Variants in HIP1 observed in about 807,000 individuals in gnomAD.
The protein encoded by HIP1 is huntingtin-interacting protein 1.
Under a neutral mutation model 147.6 loss-of-function variants are expected in HIP1, and 65 were observed. The observed-to-expected ratio is 0.44, with a 90% CI of 0.36 to 0.54. The LOEUF (loss-of-function observed/expected upper bound fraction) is 0.54. Among genes scored for constraint, HIP1 ranks in the 20% least tolerant of loss-of-function variants. HIP1 has a pLI of 0.00. For synonymous variants in HIP1, 479 were observed against 504.0 expected, an observed-to-expected ratio of 0.95 and a Z score of 0.67; for missense variants, 1,061 against 1,299.6, an observed-to-expected ratio of 0.82 and a Z score of 2.82.
chr7:75,651,388 G>GGTGGA (rs1281577858), intron 1 of HIP1, among the ~76,000 whole-genome samples: 1 of 148,752 alleles, frequency 6.7e-6, no homozygotes, highest in African/African-American at 2.5e-5. Context: ...GAACCCGGGA[G>GGTGGA]GTGGAGGTTG....
Position 75,544,743 on chromosome 7 carries a change from A to C in HIP1, c.2718T>G (p.Cys906Trp), listed in dbSNP as rs781801602. The C allele has an allele frequency of 3.7e-6, 6 of 1,614,000 alleles. No homozygotes were observed. Among genetic ancestry groups the C allele is most frequent in the Non-Finnish European group, 5.1e-6 (6 of 1,179,806 alleles). The change falls in exon 27 of 31, where the codon TGT (cysteine) becomes TGG (tryptophan). Residue 906 changes from cysteine to tryptophan, a missense_variant. Transcript: ENST00000336926. Reference protein sequence around the residue: ...GRGKFEELMVCSHEIAASTAQ... With the variant: ...GRGKFEELMVWSHEIAASTAQ... ...CTGTGCTAGCAGCAATTTCATGAGA[A>C]CACACCATTAGCTCCTCAAATTTCC...
At chr7:75,570,528 T>C (rs1323637083) in intron 8 of HIP1, among the ~76,000 whole-genome samples, 1 of 151,022 alleles carries the variant, frequency 6.6e-6, no homozygotes, top group Non-Finnish European at 1.5e-5. Context: ...CCTGACCTCA[T>C]GATCCGCCCA....
chr7:75,632,666 G>A lies in HIP1; in HGVS notation c.121-33419C>T, dbSNP rs587726544. Among the ~76,000 whole-genome samples the A allele has an allele frequency of 2.0e-5, 3 of 151,286 alleles. No homozygotes were observed. In the East Asian group the frequency reaches 5.8e-4, roughly 29 times the overall value. The stretch of plus-strand genomic sequence containing the variant: ...TCCTGCCTCAACCTCCCAAAGTGCT[G>A]GGATTACAGGTGTGAGCCACTGTGC... On this transcript the variant is annotated intron_variant, in intron 1 of 30. Transcript: ENST00000336926.
rs182695089 is a variant in HIP1, at chr7:75,660,454, G to A, written c.121-61207C>T. On this transcript the variant is annotated intron_variant, in intron 1 of 30. Transcript: ENST00000336926. ...AGGCAGGAGAATTGCTTGAACCCAC[G>A]AGGCAGAGGTTGCAGTGAACCGAGA... Among the ~76,000 whole-genome samples, 13 of 152,164 alleles carry A rather than the reference G, an allele frequency of 8.5e-5. No individual in the cohort carries two copies. In the East Asian group the frequency reaches 2.1e-3, roughly 25 times the overall value.
chr7:75,539,666 T>C (rs1554489483), intron 29 of HIP1, among the ~76,000 whole-genome samples: 1 of 152,126 alleles, frequency 6.6e-6, no homozygotes, highest in Non-Finnish European at 1.5e-5. Flanking sequence ...CATTGTGAAT[T>C]CCTCTTCTTC....
chr7:75,562,394 TCCTCCTGTTTCAG>T (rs1795258275), intron 11 of HIP1, among the ~76,000 whole-genome samples: 1 of 152,222 alleles, frequency 6.6e-6, no homozygotes, highest in African/African-American at 2.4e-5. Flanking sequence ...GCTCAAGTGA[TCCTCCTGTTTCAG>T]CCTCCTGAGT....
chr7:75,684,888 G>A (rs1049459303), intron 1 of HIP1, among the ~76,000 whole-genome samples: 4 of 152,056 alleles, frequency 2.6e-5, no homozygotes, highest in African/African-American at 9.6e-5. Context: ...TCAGGAGATC[G>A]AGACCATCCT....
rs111362269 is a variant in HIP1, at chr7:75,728,539, G to T, written c.120+10262C>A. On this transcript the variant is annotated intron_variant, in intron 1 of 30. Coordinates refer to ENST00000336926, the MANE Select transcript of HIP1 (RefSeq NM_005338.7). The stretch of plus-strand genomic sequence containing the variant: ...GGTCTCCGCCACACCTCGCCTTGAG[G>T]CAGTGGAATAAGTGGGCCAATGAAT... Among the ~76,000 whole-genome samples the T allele has an allele frequency of 9.3e-3, 1,420 of 152,278 alleles. 15 individuals carry two copies. The highest frequency in any genetic ancestry group is 0.015 in the Non-Finnish European group (1,039 of 68,014).
At chr7:75,668,281 C>T (rs1483029859) in intron 1 of HIP1, among the ~76,000 whole-genome samples, 1 of 152,166 alleles carries the variant, frequency 6.6e-6, no homozygotes, top group Non-Finnish European at 1.5e-5. Flanking sequence ...TGAGAACAGC[C>T]TCTCTATAGG....
At chr7:75,577,332 C>CAAAAAAAAAAAAAAAA (rs61299057) in intron 7 of HIP1, among the ~76,000 whole-genome samples, 2 of 96,876 alleles carry the variant, frequency 2.1e-5, no homozygotes, top group African/African-American at 7.5e-5. Context: ...ATCCCATCTC[C>CAAAAAAAAAAAAAAAA]AAAAAAAAAA....
chr7:75,604,367 A>G (rs1198956460), intron 1 of HIP1, among the ~76,000 whole-genome samples: 1 of 152,160 alleles, frequency 6.6e-6, no homozygotes, highest in African/African-American at 2.4e-5. Context: ...GGACCACACC[A>G]GGTAGTTGGA....
At chr7:75,570,663 A>G (rs1315442015) in intron 8 of HIP1, among the ~76,000 whole-genome samples, 1 of 152,174 alleles carries the variant, frequency 6.6e-6, no homozygotes, top group Non-Finnish European at 1.5e-5. Context: ...AACTCTCGGT[A>G]CTATTTTTAT....
intron 1 of HIP1, among the ~76,000 whole-genome samples, chr7:75,662,895 G>T (rs1554513854): frequency 6.6e-6 from 1 of 152,144 alleles, no homozygotes; most frequent in Non-Finnish European, 1.5e-5. Flanking sequence ...GACAGAGCAA[G>T]TTCTCAGAGG....
intron 23 of HIP1, among the ~76,000 whole-genome samples, chr7:75,548,293 C>T (rs1554491403): frequency 6.6e-6 from 1 of 151,882 alleles, no homozygotes; most frequent in South Asian, 2.1e-4. Context: ...TCCCAAAGTG[C>T]TGGGAATACA....
intron 5 of HIP1, among the ~76,000 whole-genome samples, chr7:75,586,468 C>G (rs1213558588): frequency 2.0e-5 from 3 of 152,150 alleles, no homozygotes; most frequent in African/African-American, 7.2e-5. Context: ...TCCGAAAGAG[C>G]TAGGATTATA....
At chr7:75,593,629 CAAAAAAAAAAAA>C (rs34062007) in intron 2 of HIP1, among the ~76,000 whole-genome samples, 1 of 72,254 alleles carries the variant, frequency 1.4e-5, no homozygotes, top group Non-Finnish European at 2.6e-5. Flanking sequence ...GACTCCATCT[CAAAAAAAAAAAA>C]AAAAAAAAAG....
In HIP1 at chr7:75,558,111, C is replaced by T. The variant is rs1422416552; in HGVS notation, c.1464+56G>A. ...CCGGGGAAGCCACAGGCCTGAGCCGCTCTCTCCCTAGAGGTGCAGGGCCTG... is the reference window on the plus strand; with the variant it reads ...CCGGGGAAGCCACAGGCCTGAGCCGTTCTCTCCCTAGAGGTGCAGGGCCTG... On this transcript the variant is annotated intron_variant, in intron 15 of 30. Transcript: ENST00000336926. 3.4e-6 allele frequency: 5 copies of T among 1,450,108 alleles called. No homozygotes were observed. The Admixed American group carries it at 6.7e-5, about 19-fold the overall frequency. 89.8% of individuals were successfully genotyped at this position (1,450,108 alleles called of 1,614,324 possible). A position where few individuals can be genotyped will look rare whatever the true frequency, so the allele number is the denominator to read the frequency against.
chr7:75,638,258 G>A (rs1798511213), intron 1 of HIP1, among the ~76,000 whole-genome samples: 1 of 151,890 alleles, frequency 6.6e-6, no homozygotes, highest in Non-Finnish European at 1.5e-5. Context: ...GGGCCTCCAG[G>A]TGCTCCCTGC....
At chr7:75,716,886 C>T (rs1417595101) in intron 1 of HIP1, among the ~76,000 whole-genome samples, 1 of 151,518 alleles carries the variant, frequency 6.6e-6, no homozygotes, top group East Asian at 2.0e-4. Context: ...GTGACCATAG[C>T]TCACTGGAGC....
Sources: gnomAD v4.1 joint callset for allele counts (sites outside exome capture counted in the v4.1 genomes callset) on GRCh38, gnomAD v4.1.1 for gene constraint, MANE v1.5 for transcripts, NCBI Gene and HGNC (gene_info 2026-07-23, HGNC 2026-07-21) for gene names.